CLCA1: variants seen among roughly 807,000 people sequenced by gnomAD.
CLCA1 encodes the protein calcium-activated chloride channel regulator 1.
In CLCA1, 59 loss-of-function variants were observed where a neutral mutation model predicts 85.6. That is an observed-to-expected ratio of 0.69 (90% CI 0.56 to 0.86). The LOEUF (loss-of-function observed/expected upper bound fraction) is 0.86. Ranked by LOEUF, CLCA1 falls within the 40% of genes least tolerant of loss-of-function variation. CLCA1 has a pLI of 0.00. For synonymous variants in CLCA1, 396 were observed against 398.3 expected (o/e 0.99, Z 0.07); for missense variants, 1,022 against 1,101.4 (o/e 0.93, Z 1.02).
chr1:86,486,455 C>A, intron 6 of CLCA1, 71 bp from the exon 7 acceptor site: 1 of 1,423,664 alleles, frequency 7.0e-7, no homozygotes, highest in Non-Finnish European at 9.8e-7. Flanking sequence ...CTTCCAAATT[C>A]CCTATGGCCT....
In CLCA1 at chr1:86,482,373, T is replaced by A. The variant is rs765093332; in HGVS notation, c.726T>A (p.His242Gln). The change falls in exon 5 of 14, where the codon CAT (histidine) becomes CAA (glutamine). Residue 242 changes from histidine to glutamine, a missense_variant. Coordinates refer to ENST00000394711, the MANE Select transcript of CLCA1 (RefSeq NM_001285.4). ...TEKASIMFAQ[H>Q]VDSIVEFCTE... ...AGGCTTCTATAATGTTTGCACAACATGTTGATTCTGTAAGTACCTTGTTCT... is the reference window on the plus strand; with the variant it reads ...AGGCTTCTATAATGTTTGCACAACAAGTTGATTCTGTAAGTACCTTGTTCT... 35 of 1,613,456 alleles carry A rather than the reference T, an allele frequency of 2.2e-5. No individual in the cohort carries two copies. The highest frequency in any genetic ancestry group is 4.0e-5 in the African/African-American group (3 of 74,932).
At position 86,499,639 on chromosome 1, in the gene CLCA1, C is replaced by CT. The variant is rs760866893; in HGVS notation, c.2354-9dup. 3.4e-6 allele frequency: 5 copies of CT among 1,491,054 alleles called. No homozygotes were observed. Among genetic ancestry groups the CT allele is most frequent in the Non-Finnish European group, 4.6e-6 (5 of 1,098,722 alleles). The allele number at this position is 1,491,054 out of a possible 1,614,324, so 92.4% of individuals were successfully genotyped here. A position where few individuals can be genotyped will look rare whatever the true frequency, so the allele number is the denominator to read the frequency against. ...ATTTCAGAATTAAAGTCACATTCTT[C>CT]TTTTTTCTTTTTAGCTCACAAGTAT... On this transcript the variant is annotated splice_polypyrimidine_tract_variant and intron_variant, in intron 13 of 13. Coordinates refer to ENST00000394711, the MANE Select transcript of CLCA1 (RefSeq NM_001285.4).
rs576698407 is a variant in CLCA1, at chr1:86,481,130, T to C, written c.558-1075T>C. On this transcript the variant is annotated intron_variant, in intron 4 of 13. Transcript: ENST00000394711. ...AGATATAAAATTATTAAGATCACATTTTGAATTTTTTTTTCTTTTTTTTTG... is the reference window on the plus strand; with the variant it reads ...AGATATAAAATTATTAAGATCACATCTTGAATTTTTTTTTCTTTTTTTTTG... Among the ~76,000 whole-genome samples, 18 of 152,250 alleles carry C rather than the reference T, an allele frequency of 1.2e-4. No homozygotes were observed. In the East Asian group the frequency reaches 3.5e-3, roughly 29 times the overall value.
chr1:86,493,979 C>A (rs566104199), intron 10 of CLCA1, among the ~76,000 whole-genome samples: 1 of 152,124 alleles, frequency 6.6e-6, no homozygotes. Flanking sequence ...TCCCACCCGC[C>A]GTGGAATTTT....
chr1:86,485,830 T>C (rs1286740807), intron 6 of CLCA1, among the ~76,000 whole-genome samples: 2 of 152,220 alleles, frequency 1.3e-5, no homozygotes, highest in East Asian at 1.9e-4. Context: ...ACTGACAATA[T>C]ATAAGTCTAT....
At chr1:86,485,238 A>G (rs926736908) in intron 5 of CLCA1, 105 bp from the exon 6 acceptor site, 5 of 836,892 alleles carry the variant, frequency 6.0e-6, no homozygotes, top group African/African-American at 1.7e-5. Context: ...TGATTGTGCA[A>G]TTGAGCCAAG....
intron 7 of CLCA1, among the ~76,000 whole-genome samples, chr1:86,487,300 A>G (rs1447919381): frequency 1.3e-5 from 2 of 152,234 alleles, no homozygotes; most frequent in African/African-American, 4.8e-5. Context: ...AGACAATGAA[A>G]TCACTGATGT....
chr1:86,479,597 A>G (rs967388178), intron 4 of CLCA1, among the ~76,000 whole-genome samples: 5 of 152,220 alleles, frequency 3.3e-5, no homozygotes, highest in African/African-American at 1.2e-4. Context: ...TAATTAAAAC[A>G]ATGTGAGCCA....
intron 12 of CLCA1, among the ~76,000 whole-genome samples, chr1:86,497,277 C>A (rs116254015): frequency 6.6e-6 from 1 of 152,196 alleles, no homozygotes; most frequent in South Asian, 2.1e-4. Context: ...GCAGTCTCTA[C>A]TGGTGCTTTC....
chr1:86,471,617 T>C (rs182425213), intron 1 of CLCA1, among the ~76,000 whole-genome samples: 2 of 152,368 alleles, frequency 1.3e-5, no homozygotes, highest in Admixed American at 1.3e-4. Flanking sequence ...TATGAAGTTT[T>C]ATACCTACTT....
intron 1 of CLCA1, among the ~76,000 whole-genome samples, chr1:86,472,469 G>T (rs1647531058): frequency 1.3e-5 from 2 of 152,040 alleles, no homozygotes; most frequent in African/African-American, 4.8e-5. Flanking sequence ...CATTCCCTGG[G>T]CTCAGTCTTC....
At chr1:86,490,389 A>G (rs995774041) in intron 8 of CLCA1, among the ~76,000 whole-genome samples, 1 of 152,200 alleles carries the variant, frequency 6.6e-6, no homozygotes, top group African/African-American at 2.4e-5. Flanking sequence ...ACATCAACTA[A>G]CTTAGTGACA....
chr1:86,493,431 C>T lies in CLCA1; in HGVS notation c.1512C>T (p.Gly504=), dbSNP rs1163616872. Reference sequence around the variant, plus strand: ...TCCAGAACAGCCAGTGGATGAATGGCACAGTGATCGTGGACAGCACCGTGG... The same window carrying T: ...TCCAGAACAGCCAGTGGATGAATGGTACAGTGATCGTGGACAGCACCGTGG... ...LTLQNSQWMN[G]TVIVDSTVGK... The change falls in exon 10 of 14, where the codon GGC becomes GGT. Residue 504 remains glycine, a synonymous_variant. Transcript: ENST00000394711. 6.2e-7 allele frequency: 1 copy of T among 1,614,064 alleles called. No homozygotes were observed. The highest frequency in any genetic ancestry group is 1.7e-5 in the Admixed American group (1 of 60,010).
rs34131656 is a variant in CLCA1, at chr1:86,474,539, G to A, written c.451+663G>A. 6.1e-4 allele frequency among the ~76,000 whole-genome samples: 90 copies of A among 146,460 alleles called. 1 individual carries two copies. The highest frequency in any genetic ancestry group is 1.0e-3 in the Non-Finnish European group (69 of 66,754). On this transcript the variant is annotated intron_variant, in intron 3 of 13. Transcript: ENST00000394711. ...ACTGCACTCCAGCCTGGGCGACAGA[G>A]CGAGACTCCGTATCAAAAAAAAAAA...
rs556985643 is a variant in CLCA1, at chr1:86,482,285, A to G, written c.638A>G (p.Asn213Ser). 4.3e-6 allele frequency: 7 copies of G among 1,614,014 alleles called. 1 individual carries two copies. The South Asian group carries it at 6.6e-5, about 15-fold the overall frequency. ...GSCYTKRCTF[N>S]KVTGLYEKGC... ...TGTTACACCAAAAGATGCACATTCAATAAAGTAACAGGACTCTATGAAAAA... is the reference window on the plus strand; with the variant it reads ...TGTTACACCAAAAGATGCACATTCAGTAAAGTAACAGGACTCTATGAAAAA... Residue 213 changes from asparagine (N) to serine (S), a missense_variant, in exon 5 of 14, where the codon AAT becomes AGT. By Grantham distance (46) the Asn-to-Ser change is conservative (BLOSUM62 1). Coordinates refer to ENST00000394711, the MANE Select transcript of CLCA1 (RefSeq NM_001285.4).
At position 86,489,175 on chromosome 1, in the gene CLCA1, G is replaced by A. The variant is rs1316345357; in HGVS notation, c.1357+5G>A. 6.2e-7 allele frequency: 1 copy of A among 1,612,630 alleles called. No individual in the cohort carries two copies. Among genetic ancestry groups the A allele is most frequent in the African/African-American group, 1.3e-5 (1 of 74,880 alleles). On this transcript the variant is annotated splice_donor_5th_base_variant and intron_variant, in intron 8 of 13. Transcript: ENST00000394711. Reference sequence around the variant, plus strand: ...AGGAGCTGTCCAAAATGACAGGTGAGGGATGATTTGCTGAGACCCCCGGTA... The same window carrying A: ...AGGAGCTGTCCAAAATGACAGGTGAAGGATGATTTGCTGAGACCCCCGGTA...
chr1:86,496,062 T>C (rs1344812499), intron 12 of CLCA1, among the ~76,000 whole-genome samples: 1 of 152,210 alleles, frequency 6.6e-6, no homozygotes, highest in Admixed American at 6.5e-5. Context: ...GTAATCTTTT[T>C]GTACTTCACT....
At position 86,486,645 on chromosome 1, in the gene CLCA1, A is replaced by G. The variant is rs1647985299; in HGVS notation, c.1074A>G (p.Glu358=). The G allele has an allele frequency of 6.2e-7, 1 of 1,614,154 alleles. No individual in the cohort carries two copies. ...TFDSAAHVQN[E]LIQINSGSDR... ...ACAGTGCTGCCCATGTACAAAATGA[A>G]CTCATACAGATAAACAGTGGCAGTG... Residue 358 remains glutamate (E), a synonymous_variant, in exon 7 of 14, where the codon GAA becomes GAG. Coordinates refer to ENST00000394711, the MANE Select transcript of CLCA1 (RefSeq NM_001285.4).
At chr1:86,482,890 T>C (rs1647857277) in intron 5 of CLCA1, among the ~76,000 whole-genome samples, 1 of 152,190 alleles carries the variant, frequency 6.6e-6, no homozygotes, top group African/African-American at 2.4e-5. Flanking sequence ...AAATTCTTAA[T>C]TTTTTTAATG....
Sources: allele counts gnomAD v4.1 joint callset (sites outside exome capture counted in the v4.1 genomes callset), GRCh38; gene constraint gnomAD v4.1.1; transcripts MANE v1.5; gene names NCBI Gene and HGNC (gene_info 2026-07-23, HGNC 2026-07-21).